Variants in MAPKBP1 observed in about 807,000 individuals in gnomAD.
MAPKBP1 encodes mitogen-activated protein kinase-binding protein 1.
In MAPKBP1, 71 loss-of-function variants were observed where a neutral mutation model predicts 170.5. That is an observed-to-expected ratio of 0.42 (90% confidence interval 0.34 to 0.51). MAPKBP1 has a LOEUF of 0.51. MAPKBP1 is among the 20% of genes least tolerant of loss of function. The pLI is 0.06. For synonymous variants in MAPKBP1, 719 were observed against 757.9 expected, an observed-to-expected ratio of 0.95 and a Z score of 0.84; for missense variants, 1,598 against 1,933.0, an observed-to-expected ratio of 0.83 and a Z score of 3.25.
Position 41,811,287 on chromosome 15 carries a change from C to T in MAPKBP1, c.327+52C>T, listed in dbSNP as rs771392111. ...CTGTAAAGAGGGCAGGTGTCCTGGC[C>T]TCCGCAGAGAGCTGCGGTCCTAGGC... On this transcript the variant is annotated intron_variant, in intron 5 of 30. Transcript: ENST00000457542. The T allele has an allele frequency of 2.4e-5, 38 of 1,602,000 alleles. No homozygotes were observed. The African/African-American group carries it at 4.4e-4, about 19-fold the overall frequency.
intron 2 of MAPKBP1, among the ~76,000 whole-genome samples, chr15:41,777,475 G>C (rs962311560): frequency 2.0e-5 from 3 of 152,188 alleles, no homozygotes; most frequent in African/African-American, 7.2e-5. Context: ...ACCATTCCCT[G>C]TTTAAAATAG....
chr15:41,795,505 G>A (rs2064472769), intron 2 of MAPKBP1, among the ~76,000 whole-genome samples: 1 of 152,138 alleles, frequency 6.6e-6, no homozygotes, highest in Admixed American at 6.5e-5. Flanking sequence ...CCGGGGTAGA[G>A]TATTTGGATT....
At position 41,816,972 on chromosome 15, in the gene MAPKBP1, G is replaced by C. The variant is rs2064902860; in HGVS notation, c.1648G>C (p.Glu550Gln). The C allele has an allele frequency of 1.2e-6, 2 of 1,612,800 alleles. No individual in the cohort carries two copies. Among genetic ancestry groups the C allele is most frequent in the East Asian group, 2.2e-5 (1 of 44,876 alleles). The part of the protein sequence containing the change: ...RLIHVLDAGR[E>Q]YSLQQTLDEH... ...GATCCATGTGCTGGATGCCGGGCGG[G>C]AGTACAGCCTACAGCAGACGCTGGA... The change falls in exon 14 of 31, where the codon GAG (glutamate) becomes CAG (glutamine). Residue 550 changes from glutamate (E) to glutamine (Q), a missense_variant. Physicochemically the swap from Glu to Gln is conservative, Grantham distance 29. Coordinates refer to ENST00000457542, the MANE Select transcript of MAPKBP1 (RefSeq NM_014994.3).
chr15:41,818,995 CA>C lies in MAPKBP1; in HGVS notation c.2291+39del, dbSNP rs1310953455. 6.2e-7 allele frequency: 1 copy of C among 1,607,074 alleles called. No individual in the cohort carries two copies. Among genetic ancestry groups the C allele is most frequent in the Non-Finnish European group, 8.5e-7 (1 of 1,175,008 alleles). ...TGTGGGCAAGTGATGGGTGGGTGTGCAGATGGCTTGCTGGGACCTCACTGCA... is the reference window on the plus strand; with the variant it reads ...TGTGGGCAAGTGATGGGTGGGTGTGCGATGGCTTGCTGGGACCTCACTGCA... On this transcript the variant is annotated intron_variant, in intron 20 of 30. Coordinates refer to ENST00000457542, the MANE Select transcript of MAPKBP1 (RefSeq NM_014994.3). This position sits in a 1 kb window ranked among gnomAD's most constrained non-coding sequence, Gnocchi z 5.2.
chr15:41,813,623 C>T lies in MAPKBP1; in HGVS notation c.822C>T (p.Thr274=). ...GAGCTGAGCCACTCTGCCCACAGAC[C>T]ACAGTGGCCCACTGCATCTCTGTGA... The part of the protein sequence containing the change: ...RLLDKWVELR[T]TVAHCISVSQ... The change falls in exon 9 of 31, where the codon ACC becomes ACT. Residue 274 remains threonine (T), a splice_region_variant and synonymous_variant. Transcript: ENST00000457542. 1.9e-6 allele frequency: 3 copies of T among 1,613,770 alleles called. No homozygotes were observed. Among genetic ancestry groups the T allele is most frequent in the Admixed American group, 1.7e-5 (1 of 59,928 alleles).
chr15:41,788,468 G>A, intron 2 of MAPKBP1, among the ~76,000 whole-genome samples: 1 of 152,188 alleles, frequency 6.6e-6, no homozygotes, highest in East Asian at 1.9e-4. Context: ...CCATGTGAAT[G>A]ATGCAAATTA....
chr15:41,782,278 T>G (rs912911468), intron 2 of MAPKBP1, among the ~76,000 whole-genome samples: 5 of 110,972 alleles, frequency 4.5e-5, no homozygotes, highest in Non-Finnish European at 1.0e-4. Context: ...AAAAAAAAAA[T>G]TATGAAATAC....
chr15:41,777,033 G>A (rs559349307), intron 2 of MAPKBP1, among the ~76,000 whole-genome samples: 2 of 152,274 alleles, frequency 1.3e-5, no homozygotes, highest in Non-Finnish European at 2.9e-5. Flanking sequence ...ACCTAAGTCA[G>A]TTCAGAGGAA....
chr15:41,784,615 C>T (rs35824211), intron 2 of MAPKBP1, among the ~76,000 whole-genome samples: 1 of 151,610 alleles, frequency 6.6e-6, no homozygotes, highest in Non-Finnish European at 1.5e-5. Flanking sequence ...AACCCCGTCT[C>T]TACTAAAAGT....
At chr15:41,801,275 T>C (rs2064589245) in intron 3 of MAPKBP1, among the ~76,000 whole-genome samples, 1 of 152,210 alleles carries the variant, frequency 6.6e-6, no homozygotes, top group South Asian at 2.1e-4. Context: ...TTTCTCTTGC[T>C]GCCTTTTCAC....
Position 41,817,080 on chromosome 15 carries a change from G to T in MAPKBP1, c.1711+45G>T. On this transcript the variant is annotated intron_variant, in intron 14 of 30. Transcript: ENST00000457542. The surrounding 1 kb of genome is among the most constrained non-coding windows in gnomAD (Gnocchi z 4.2). ...GACACATCCTGCCACTCTCACCCCTGCTGCCATCTGCCTCCCACCTCCATG... is the reference window on the plus strand; with the variant it reads ...GACACATCCTGCCACTCTCACCCCTTCTGCCATCTGCCTCCCACCTCCATG... 6.5e-7 allele frequency: 1 copy of T among 1,537,616 alleles called. No individual in the cohort carries two copies. The highest frequency in any genetic ancestry group is 1.3e-5 in the South Asian group (1 of 79,268).
In MAPKBP1 at chr15:41,819,622, G is replaced by A. The variant is rs752233820; in HGVS notation, c.2453G>A (p.Arg818Gln). ...TCGGTCCCCAGCCCAGCTTTGCCCC[G>A]AAGCCTGTCCCACTGGGAGATGAGT... ...LASVPSPALP[R>Q]SLSHWEMSRA... Residue 818 changes from arginine (R) to glutamine (Q), a missense_variant, in exon 22 of 31, where the codon CGA becomes CAA. By Grantham distance (43) the Arg-to-Gln change is conservative. Coordinates refer to ENST00000457542, the MANE Select transcript of MAPKBP1 (RefSeq NM_014994.3). The A allele has an allele frequency of 7.5e-6, 12 of 1,609,004 alleles. No individual in the cohort carries two copies. The highest frequency in any genetic ancestry group is 4.0e-5 in the African/African-American group (3 of 74,400).
chr15:41,806,751 G>T (rs2064703317), intron 3 of MAPKBP1, among the ~76,000 whole-genome samples: 1 of 152,194 alleles, frequency 6.6e-6, no homozygotes, highest in Non-Finnish European at 1.5e-5. Context: ...ACTGAGCAAG[G>T]GCTCACCCTG....
intron 2 of MAPKBP1, among the ~76,000 whole-genome samples, chr15:41,784,798 A>AAG (rs1476824372): frequency 6.6e-6 from 1 of 150,856 alleles, no homozygotes; most frequent in Non-Finnish European, 1.5e-5. Context: ...AAAAAAAAAA[A>AAG]AAAATTAGCT....
At position 41,818,679 on chromosome 15, in the gene MAPKBP1, G is replaced by T; in HGVS notation, c.2156+97G>T. 1 of 1,495,812 alleles carries T rather than the reference G, an allele frequency of 6.7e-7. No individual in the cohort carries two copies. The allele number at this position is 1,495,812 out of a possible 1,614,324, so 92.7% of individuals were successfully genotyped here. A position where few individuals can be genotyped will look rare whatever the true frequency, so the allele number is the denominator to read the frequency against. Reference sequence around the variant, plus strand: ...ATTTCAGTGATGTCTCTGGGAAGTGGGGTTAACAGGGATAGCTTTTGGCTG... The same window carrying T: ...ATTTCAGTGATGTCTCTGGGAAGTGTGGTTAACAGGGATAGCTTTTGGCTG... On this transcript the variant is annotated intron_variant, in intron 19 of 30. Transcript: ENST00000457542. This position sits in a 1 kb window ranked among gnomAD's most constrained non-coding sequence, Gnocchi z 5.2.
chr15:41,775,977 C>T (rs1228404947), intron 2 of MAPKBP1, among the ~76,000 whole-genome samples: 1 of 152,194 alleles, frequency 6.6e-6, no homozygotes. Flanking sequence ...CTGGATGGCC[C>T]TTGAGCATTG....
chr15:41,795,807 C>T (rs1166337476), intron 2 of MAPKBP1, among the ~76,000 whole-genome samples: 2 of 152,072 alleles, frequency 1.3e-5, no homozygotes, highest in African/African-American at 4.8e-5. Flanking sequence ...GACGGGGTTT[C>T]ACCCTGTTAG....
intron 2 of MAPKBP1, among the ~76,000 whole-genome samples, chr15:41,796,450 T>C (rs572521800): frequency 6.6e-6 from 1 of 152,324 alleles, no homozygotes; most frequent in South Asian, 2.1e-4. Context: ...GCAGGAACTC[T>C]GGACTCTTAG....
chr15:41,824,275 G>A (rs2065051846), intron 29 of MAPKBP1, among the ~76,000 whole-genome samples: 1 of 152,194 alleles, frequency 6.6e-6, no homozygotes, highest in African/African-American at 2.4e-5. Flanking sequence ...CCATTCAGTG[G>A]CTTCTGAACT....
Sources: gnomAD v4.1 joint callset for allele counts (sites outside exome capture counted in the v4.1 genomes callset) on GRCh38, gnomAD v4.1.1 for gene constraint, Gnocchi (gnomAD v3.1) non-coding constraint, MANE v1.5 for transcripts, NCBI Gene and HGNC (gene_info 2026-07-23, HGNC 2026-07-21) for gene names.